The following DAPK2 variants were observed in gnomAD, a reference collection of about 807,000 sequenced individuals.
The protein encoded by DAPK2 is death-associated protein kinase 2.
Under a neutral mutation model 44.1 loss-of-function variants are expected in DAPK2, and 35 were observed. That is an observed-to-expected ratio of 0.79 (90% CI 0.61 to 1.05). The LOEUF is 1.05. Among genes scored for constraint, DAPK2 ranks in the 50% least tolerant of loss-of-function variants. DAPK2 has a pLI of 0.00. For synonymous variants in DAPK2, 174 were observed against 182.6 expected, an observed-to-expected ratio of 0.95 and a Z score of 0.38; for missense variants, 453 against 483.2, an observed-to-expected ratio of 0.94 and a Z score of 0.59.
At chr15:64,041,597 G>A (rs2080354803), upstream of DAPK2, among the ~76,000 whole-genome samples, 1 of 152,208 alleles carries the variant, frequency 6.6e-6, no homozygotes, top group Admixed American at 6.5e-5. Context: ...GCCTGTCAGA[G>A]CTCATTTTGG....
chr15:63,964,420 T>G lies in DAPK2; in HGVS notation c.453+7003A>C, dbSNP rs181181021. ...TTGATTATTAAATGTCTTTAATTTT[T>G]GGGAGTTTGATTATTATTTGGGTTT... On this transcript the variant is annotated intron_variant, in intron 3 of 10. Transcript: ENST00000261891. 5.9e-5 allele frequency among the ~76,000 whole-genome samples: 9 copies of G among 152,300 alleles called. No individual in the cohort carries two copies. In the East Asian group the frequency reaches 7.7e-4, roughly 13 times the overall value.
chr15:63,911,862 G>C, intron 10 of DAPK2, 46 bp downstream of exon 11: 1 of 1,594,102 alleles, frequency 6.3e-7, no homozygotes, highest in Non-Finnish European at 8.6e-7. Flanking sequence ...CTGAGCTCCA[G>C]GCTACCCCAG....
At chr15:63,962,624 C>G (rs2077940119) in intron 3 of DAPK2, among the ~76,000 whole-genome samples, 1 of 152,182 alleles carries the variant, frequency 6.6e-6, no homozygotes, top group Non-Finnish European at 1.5e-5. Context: ...CACTCCAGAC[C>G]CTGTTTTACT....
chr15:63,990,876 C>T lies in DAPK2; in HGVS notation c.93-7122G>A, dbSNP rs971667738. On this transcript the variant is annotated intron_variant, in intron 1 of 10. Transcript: ENST00000261891. The surrounding 1 kb of genome is among the most constrained non-coding windows in gnomAD (Gnocchi z 4.3). The stretch of plus-strand genomic sequence containing the variant: ...CACAAGAACCAGGTCAGCCTGATCC[C>T]GGAGGACCCACACCCACATCCCACA... Among the ~76,000 whole-genome samples, 1 of 152,208 alleles carries T rather than the reference C, an allele frequency of 6.6e-6. No individual in the cohort carries two copies. Among genetic ancestry groups the T allele is most frequent in the African/African-American group, 2.4e-5 (1 of 41,452 alleles).
chr15:63,931,791 T>A (rs547533811), intron 4 of DAPK2, among the ~76,000 whole-genome samples: 1 of 151,758 alleles, frequency 6.6e-6, no homozygotes, highest in Non-Finnish European at 1.5e-5. Context: ...GAGAAGAAGA[T>A]CAAATGCTCC....
intron 1 of DAPK2, among the ~76,000 whole-genome samples, chr15:64,036,321 A>G (rs148325306): frequency 0.05 from 5,446 of 108,520 alleles, 492 homozygotes; most frequent in African/African-American, 0.17. Context: ...ATATATATGT[A>G]TATATATATA....
At position 64,013,437 on chromosome 15, in the gene DAPK2, G is replaced by A. The variant is rs1378450624; in HGVS notation, c.92+26733C>T. Among the ~76,000 whole-genome samples the A allele has an allele frequency of 1.3e-5, 2 of 152,216 alleles. No individual in the cohort carries two copies. The highest frequency in any genetic ancestry group is 4.8e-5 in the African/African-American group (2 of 41,462). On this transcript the variant is annotated intron_variant, in intron 1 of 10. Coordinates refer to ENST00000261891, the Ensembl canonical transcript of DAPK2. This position sits in a 1 kb window ranked among gnomAD's most constrained non-coding sequence, Gnocchi z 4.7. ...TAAGACTTAGTAATTGGGCAGAAAA[G>A]TGAAACCAGGAGAGAAGCTTTCAAC... is the stretch of plus-strand genomic sequence containing the variant.
At chr15:63,929,419 T>C in intron 6 of DAPK2, 132 bp downstream of exon 7, 1 of 1,180,382 alleles carries the variant, frequency 8.5e-7, no homozygotes, top group Non-Finnish European at 1.2e-6. Context: ...TCAGGCTTGC[T>C]GTGTGGACTT....
chr15:64,044,356 G>A (rs2080413001), upstream of DAPK2, among the ~76,000 whole-genome samples: 1 of 152,184 alleles, frequency 6.6e-6, no homozygotes, highest in Non-Finnish European at 1.5e-5. Context: ...TCTATTTAGG[G>A]ATTTTTAGAA....
In DAPK2 at chr15:63,990,198, C is replaced by A. The variant is rs372826257; in HGVS notation, c.93-6444G>T. Among the ~76,000 whole-genome samples the A allele has an allele frequency of 6.6e-6, 1 of 151,960 alleles. No individual in the cohort carries two copies. The highest frequency in any genetic ancestry group is 2.1e-4 in the South Asian group (1 of 4,808). ...GTTGTAATCCCAGCACTCTGGGAGG[C>A]GGGAGGATCACCTGAGGTCAAGAGT... is the stretch of plus-strand genomic sequence containing the variant. On this transcript the variant is annotated intron_variant, in intron 1 of 10. Transcript: ENST00000261891. The surrounding 1 kb of genome is among the most constrained non-coding windows in gnomAD (Gnocchi z 4.3).
intron 1 of DAPK2, among the ~76,000 whole-genome samples, chr15:64,028,174 T>G (rs1245393089): frequency 6.6e-6 from 1 of 152,206 alleles, no homozygotes; most frequent in Non-Finnish European, 1.5e-5. Context: ...TTCTCTGGCC[T>G]CAGCCTCCCA....
At chr15:63,922,232 TAA>T in intron 8 of DAPK2, 2 of 968,838 alleles carry the variant, frequency 2.1e-6, no homozygotes, top group Non-Finnish European at 2.5e-6. Context: ...GAGTGCTTGG[TAA>T]GTGAAAAATC....
In DAPK2 at chr15:63,912,320, G is replaced by A. The variant is rs761060412; in HGVS notation, c.859-123C>T. 40 of 837,478 alleles carry A rather than the reference G, an allele frequency of 4.8e-5. No homozygotes were observed. Among genetic ancestry groups the A allele is most frequent in the African/African-American group, 1.3e-4 (8 of 59,910 alleles). 51.9% of individuals were successfully genotyped at this position (837,478 alleles called of 1,614,324 possible). On this transcript the variant is annotated intron_variant, in intron 8 of 10. Transcript: ENST00000261891. The surrounding 1 kb of genome is among the most constrained non-coding windows in gnomAD (Gnocchi z 4.4). ...CTTGGCTTGACCCTGGCATCTCCCC[G>A]CCAGGTGGGGCACACCGTGGGAGCA...
chr15:64,025,067 A>G (rs1186213268), intron 1 of DAPK2, among the ~76,000 whole-genome samples: 1 of 152,074 alleles, frequency 6.6e-6, no homozygotes, highest in Non-Finnish European at 1.5e-5. Flanking sequence ...GACACTATTA[A>G]CAACCACCTT....
At chr15:63,998,774 T>C (rs1444276170) in intron 1 of DAPK2, among the ~76,000 whole-genome samples, 1 of 152,194 alleles carries the variant, frequency 6.6e-6, no homozygotes, top group Non-Finnish European at 1.5e-5. Flanking sequence ...CCGTGGGCTG[T>C]AGTCTCCTGA....
chr15:63,946,535 A>G (rs190176367), intron 3 of DAPK2, among the ~76,000 whole-genome samples: 334 of 152,314 alleles, frequency 2.2e-3, no homozygotes, highest in African/African-American at 6.3e-3. Flanking sequence ...GCAGCACCCA[A>G]TGAGATTTCA....
At chr15:63,955,297 G>A (rs905208112) in intron 3 of DAPK2, among the ~76,000 whole-genome samples, 6 of 152,064 alleles carry the variant, frequency 3.9e-5, no homozygotes, top group South Asian at 2.1e-4. Flanking sequence ...TGTTATATAC[G>A]GCTTTTATTG....
intron 1 of DAPK2, among the ~76,000 whole-genome samples, chr15:64,002,491 AT>A (rs2079108538): frequency 6.6e-6 from 1 of 152,226 alleles, no homozygotes; most frequent in South Asian, 2.1e-4. Flanking sequence ...ATAGTAAAAA[AT>A]ATTTCATAAT....
chr15:64,002,631 C>T (rs2079111307), intron 1 of DAPK2, among the ~76,000 whole-genome samples: 1 of 152,186 alleles, frequency 6.6e-6, no homozygotes, highest in African/African-American at 2.4e-5. Context: ...ATGAGGCTCA[C>T]ATAGCAATGC....
Sources: allele counts gnomAD v4.1 joint callset (sites outside exome capture counted in the v4.1 genomes callset), GRCh38; gene constraint gnomAD v4.1.1; non-coding constraint Gnocchi (gnomAD v3.1); transcripts MANE v1.5; gene names NCBI Gene and HGNC (gene_info 2026-07-23, HGNC 2026-07-21).